The following USP32 variants were observed in gnomAD, a reference collection of about 807,000 sequenced individuals.
USP32 encodes the protein ubiquitin carboxyl-terminal hydrolase 32.
USP32 carries 59 observed loss-of-function variants against 204.8 expected under a neutral mutation model. The observed-to-expected ratio is 0.29, with a 90% confidence interval of 0.23 to 0.36. The LOEUF is 0.36. USP32 is among the 10% of genes least tolerant of loss of function. The pLI, the probability that USP32 is intolerant of heterozygous loss-of-function variation, is 1.00. For missense variants in USP32, 1,160 were observed against 1,946.4 expected (o/e 0.60, Z 7.60); for synonymous variants, 517 against 678.4 (o/e 0.76, Z 3.70).
intron 11 of USP32, among the ~76,000 whole-genome samples, chr17:60,239,638 T>C (rs1433250993): frequency 6.6e-6 from 1 of 152,232 alleles, no homozygotes; most frequent in Non-Finnish European, 1.5e-5. Context: ...ATTGTAGTTT[T>C]CAGCTCCAAA....
At chr17:60,409,550 A>T (rs957032927) in intron 1 of USP32, among the ~76,000 whole-genome samples, 1 of 152,148 alleles carries the variant, frequency 6.6e-6, no homozygotes, top group African/African-American at 2.4e-5. Context: ...AATTACCACA[A>T]GCTTAGTGGC....
At position 60,269,475 on chromosome 17, in the gene USP32, C is replaced by A. The variant is rs1180276715; in HGVS notation, c.786G>T (p.Arg262Ser). 2 of 1,608,966 alleles carry A rather than the reference C, an allele frequency of 1.2e-6. No homozygotes were observed. The highest frequency in any genetic ancestry group is 2.7e-5 in the African/African-American group (2 of 74,696). Residue 262 changes from arginine (R) to serine (S), a missense_variant, in exon 7 of 34, where the codon AGG becomes AGT. By Grantham distance (110) the Arg-to-Ser change is moderately radical. Transcript: ENST00000300896. ...EISCGLSACC[R>S]GPLAERQKFC... ...ATTTTTGTCTTTCAGCCAGGGGTCC[C>A]CTGCAACAGGCTGATAACCCACAGG... is the stretch of plus-strand genomic sequence containing the variant.
At chr17:60,393,716 C>A (rs111492991), upstream of USP32, among the ~76,000 whole-genome samples, 1 of 150,878 alleles carries the variant, frequency 6.6e-6, no homozygotes, top group East Asian at 1.9e-4. Flanking sequence ...CGGAGTTTCA[C>A]CCCTGTTGCC....
chr17:60,291,962 G>A (rs1371275689), intron 4 of USP32, among the ~76,000 whole-genome samples: 2 of 151,160 alleles, frequency 1.3e-5, no homozygotes. Flanking sequence ...TTCCTCTTAT[G>A]AGTACATTTC....
intron 1 of USP32, among the ~76,000 whole-genome samples, chr17:60,371,520 G>GACTGCACT (rs1419710458): frequency 2.0e-5 from 3 of 151,100 alleles, no homozygotes; most frequent in Non-Finnish European, 2.9e-5. Context: ...AATAAGCCAA[G>GACTGCACT]ACTGCACTAC....
intron 1 of USP32, among the ~76,000 whole-genome samples, chr17:60,379,633 T>C (rs569523249): frequency 2.6e-5 from 4 of 152,312 alleles, no homozygotes; most frequent in Admixed American, 6.5e-5. Flanking sequence ...CATAGAGAAC[T>C]TCTGTGTAGT....
chr17:60,226,219 C>T lies in USP32; in HGVS notation c.1252G>A (p.Val418Met), dbSNP rs778197867. The T allele has an allele frequency of 1.3e-6, 2 of 1,543,498 alleles. No homozygotes were observed. Among genetic ancestry groups the T allele is most frequent in the East Asian group, 2.4e-5 (1 of 40,922 alleles). ...AAAACAGATGATGGCTCAATTACCA[C>T]AGGGTTGGCATCCTAAAATCAGGAA... The part of the protein sequence containing the change: ...KEYVKYDANP[V>M]VIEPSSVLNG... The change falls in exon 13 of 34, where the codon GTG becomes ATG. Residue 418 changes from valine to methionine, a missense_variant. By Grantham distance (21) the Val-to-Met change is conservative. Around this residue, in one of 8 missense-constraint regions of USP32, gnomAD observed 536 missense variants for 680.9 expected, o/e 0.79. Transcript: ENST00000300896.
intron 29 of USP32, among the ~76,000 whole-genome samples, chr17:60,190,154 TC>T (rs2084341747): frequency 6.6e-6 from 1 of 152,174 alleles, no homozygotes; most frequent in Non-Finnish European, 1.5e-5. Context: ...AGGATCTTCC[TC>T]CTGTTTGGTC....
chr17:60,339,676 G>C (rs982154966), intron 2 of USP32, among the ~76,000 whole-genome samples: 1 of 151,272 alleles, frequency 6.6e-6, no homozygotes. Context: ...GTAAGTCTTC[G>C]GAAGTAAAAA....
intron 1 of USP32, among the ~76,000 whole-genome samples, chr17:60,410,768 C>T (rs1360520077): frequency 6.6e-6 from 1 of 152,060 alleles, no homozygotes; most frequent in Non-Finnish European, 1.5e-5. Flanking sequence ...GAGTCAAAAG[C>T]ACATAACATA....
chr17:60,200,622 C>T (rs1395654977), intron 26 of USP32, among the ~76,000 whole-genome samples: 1 of 151,898 alleles, frequency 6.6e-6, no homozygotes, highest in African/African-American at 2.4e-5. Flanking sequence ...TCCATTATCA[C>T]TGAGTTTAAG....
intron 2 of USP32, among the ~76,000 whole-genome samples, chr17:60,324,727 G>A (rs934271283): frequency 5.3e-5 from 8 of 152,138 alleles, no homozygotes; most frequent in Admixed American, 6.5e-5. Flanking sequence ...TATAGGCCAG[G>A]CATGGTGGCT....
intron 1 of USP32, among the ~76,000 whole-genome samples, chr17:60,351,031 T>TAGC (rs1356420801): frequency 2.6e-5 from 4 of 152,076 alleles, no homozygotes; most frequent in Non-Finnish European, 5.9e-5. Context: ...AGTTAAAACC[T>TAGC]AGCAGCTGAG....
At chr17:60,374,585 C>T (rs989965269) in intron 1 of USP32, among the ~76,000 whole-genome samples, 1 of 152,036 alleles carries the variant, frequency 6.6e-6, no homozygotes, top group Non-Finnish European at 1.5e-5. Flanking sequence ...AGGTTTTCAC[C>T]ATGTTGCCCA....
chr17:60,329,099 A>G (rs947655282), intron 2 of USP32, among the ~76,000 whole-genome samples: 4 of 152,248 alleles, frequency 2.6e-5, no homozygotes, highest in Admixed American at 2.0e-4. Context: ...TGCTGTAACA[A>G]CACTGTACTC....
At chr17:60,265,585 A>G (rs1225755816) in intron 8 of USP32, 111 bp from the exon 9 acceptor site, 1 of 728,642 alleles carries the variant, frequency 1.4e-6, no homozygotes, top group Non-Finnish European at 2.3e-6. Flanking sequence ...TCTTGTAGAG[A>G]TGGGGTCTCC....
chr17:60,342,725 C>T (rs558866206), intron 2 of USP32, among the ~76,000 whole-genome samples: 26 of 152,212 alleles, frequency 1.7e-4, no homozygotes, highest in Non-Finnish European at 3.2e-4. Flanking sequence ...GCATGGGACC[C>T]GCTGAGTCAG....
chr17:60,387,631 G>A (rs550578500), intron 1 of USP32, among the ~76,000 whole-genome samples: 8 of 151,950 alleles, frequency 5.3e-5, no homozygotes, highest in African/African-American at 1.5e-4. Context: ...TATTTTATTC[G>A]CATCCTCTAT....
chr17:60,378,737 A>G (rs755505984), intron 1 of USP32, among the ~76,000 whole-genome samples: 2 of 152,180 alleles, frequency 1.3e-5, no homozygotes, highest in African/African-American at 2.4e-5. Flanking sequence ...AGGCAAATTC[A>G]TAAAAACAGA....
Sources: allele counts gnomAD v4.1 joint callset (sites outside exome capture counted in the v4.1 genomes callset), GRCh38; gene constraint gnomAD v4.1.1; regional missense constraint gnomAD v4.1.1; transcripts MANE v1.5; gene names NCBI Gene and HGNC (gene_info 2026-07-23, HGNC 2026-07-21).